Variants in NELFB observed in about 807,000 individuals in gnomAD.
NELFB encodes the protein negative elongation factor complex member B, also known as negative elongation factor B.
A neutral mutation model predicts 60.2 loss-of-function variants in NELFB; 34 were observed. The ratio of observed to expected loss-of-function variants is 0.56; its 90% CI spans 0.43 to 0.75. NELFB has a LOEUF of 0.75. Among genes scored for constraint, NELFB ranks in the 30% least tolerant of loss-of-function variants. The pLI, the probability that NELFB is intolerant of heterozygous loss-of-function variation, is 0.00. For missense variants in NELFB, 770 were observed against 831.6 expected (o/e 0.93, Z 0.91); for synonymous variants, 459 against 382.1 (o/e 1.20, Z -2.35).
Position 137,267,037 on chromosome 9 carries a change from G to C in NELFB, c.1333G>C (p.Glu445Gln). ...TGTGGATCAGAAACTTCCGGCTGAG[G>C]AGAAAGCCCCAGTCTCATATCCAAA... Residue 445 changes from glutamate to glutamine, a missense_variant, in exon 9 of 13, where the codon GAG becomes CAG. Glu to Gln is a conservative substitution (Grantham distance 29). Transcript: ENST00000343053. The C allele has an allele frequency of 1.2e-6, 2 of 1,614,126 alleles. No homozygotes were observed. The highest frequency in any genetic ancestry group is 1.7e-6 in the Non-Finnish European group (2 of 1,180,022).
chr9:137,255,629 GC>G lies in NELFB; in HGVS notation c.246+19del, dbSNP rs1818470880. The stretch of plus-strand genomic sequence containing the variant: ...AGTTCCAGGTGGGGCGGCCCCCGGG[GC>G]GGGGGGAGCCCAGTTGGAGGGCCGG... On this transcript the variant is annotated intron_variant, in intron 1 of 12. Transcript: ENST00000343053. 1 of 1,540,518 alleles carries G rather than the reference GC, an allele frequency of 6.5e-7. No homozygotes were observed. Among genetic ancestry groups the G allele is most frequent in the Non-Finnish European group, 8.7e-7 (1 of 1,143,218 alleles).
intron 10 of NELFB, among the ~76,000 whole-genome samples, chr9:137,271,426 C>T (rs1830582567): frequency 6.6e-6 from 1 of 152,272 alleles, no homozygotes; most frequent in Non-Finnish European, 1.5e-5. Context: ...CATCAGTCTG[C>T]AGGCGGCCGC....
At chr9:137,265,170 C>T (rs1396588541) in intron 6 of NELFB, among the ~76,000 whole-genome samples, 2 of 151,336 alleles carry the variant, frequency 1.3e-5, no homozygotes, top group Non-Finnish European at 2.9e-5. Flanking sequence ...CAGGCACACA[C>T]CAGTGCGCCT....
In NELFB at chr9:137,264,229, T is replaced by A; in HGVS notation, c.928-16T>A. 1 of 1,565,676 alleles carries A rather than the reference T, an allele frequency of 6.4e-7. No individual in the cohort carries two copies. Among genetic ancestry groups the A allele is most frequent in the South Asian group, 1.2e-5 (1 of 85,180 alleles). ...GGGAGGTTTGGGCTGGTCCCGACCG[T>A]GCTTCCTCCTTGCAGTTCACCTGGT... On this transcript the variant is annotated splice_polypyrimidine_tract_variant and intron_variant, in intron 5 of 12. Transcript: ENST00000343053.
At chr9:137,259,872 C>T (rs1830409149) in intron 4 of NELFB, among the ~76,000 whole-genome samples, 1 of 148,370 alleles carries the variant, frequency 6.7e-6, no homozygotes. Flanking sequence ...CTACAGGCGC[C>T]TGCCACCATG....
At chr9:137,263,859 T>G (rs1041129424) in intron 5 of NELFB, among the ~76,000 whole-genome samples, 7 of 152,148 alleles carry the variant, frequency 4.6e-5, no homozygotes, top group African/African-American at 1.7e-4. Context: ...TGCTGCTTGT[T>G]GGCCAGGTAC....
chr9:137,271,025 C>G (rs1830577856), intron 10 of NELFB, among the ~76,000 whole-genome samples: 3 of 152,408 alleles, frequency 2.0e-5, no homozygotes, highest in South Asian at 2.1e-4. Flanking sequence ...CTGCGCTTCT[C>G]CAGGTGTCTC....
intron 4 of NELFB, among the ~76,000 whole-genome samples, chr9:137,257,996 G>C (rs944598251): frequency 6.6e-6 from 1 of 151,710 alleles, no homozygotes. Context: ...GTAGAGGTGG[G>C]GTCTGGCTAT....
At chr9:137,271,966 T>C in intron 10 of NELFB, 115 bp from the exon 11 acceptor site, 1 of 1,320,014 alleles carries the variant, frequency 7.6e-7, no homozygotes, top group Non-Finnish European at 1.0e-6. Flanking sequence ...TCAGAACAAC[T>C]GAGAACTCTC....
Position 137,256,345 on chromosome 9 carries a change from G to T in NELFB, c.427G>T (p.Asp143Tyr), listed in dbSNP as rs1334549471. The T allele has an allele frequency of 1.2e-6, 2 of 1,613,930 alleles. No homozygotes were observed. Among genetic ancestry groups the T allele is most frequent in the Admixed American group, 1.7e-5 (1 of 60,008 alleles). Reference sequence around the variant, plus strand: ...TTGTTCCAGGTACAAGAAGCTGGAAGACCTTCTGGAGAAGAGCTTTTCTCT... The same window carrying T: ...TTGTTCCAGGTACAAGAAGCTGGAATACCTTCTGGAGAAGAGCTTTTCTCT... The change falls in exon 3 of 13, where the codon GAC (aspartate) becomes TAC (tyrosine). Residue 143 changes from aspartate (D) to tyrosine (Y), a missense_variant. Asp to Tyr is a radical substitution (Grantham distance 160). Transcript: ENST00000343053.
intron 6 of NELFB, 48 bp downstream of exon 6, chr9:137,264,405 A>G: frequency 7.2e-7 from 1 of 1,391,804 alleles, no homozygotes; most frequent in South Asian, 1.2e-5. Flanking sequence ...CCCTGCGTGC[A>G]TCCGGTCTGC....
Position 137,255,541 on chromosome 9 carries a change from C to A in NELFB, c.176C>A (p.Ala59Asp). Residue 59 changes from alanine (A) to aspartate (D), a missense_variant, in exon 1 of 13, where the codon GCC becomes GAC. Coordinates refer to ENST00000343053, the MANE Select transcript of NELFB (RefSeq NM_015456.5). ...GCGGGGCTGCAGGACCTGGGCGTGG[C>A]CAACGGCGAGGACCTGAAGGAGACC... 1 of 1,546,882 alleles carries A rather than the reference C, an allele frequency of 6.5e-7. No homozygotes were observed. The highest frequency in any genetic ancestry group is 8.7e-7 in the Non-Finnish European group (1 of 1,146,056).
At chr9:137,256,451 G>C in intron 3 of NELFB, 23 bp downstream of exon 3, 1 of 1,603,588 alleles carries the variant, frequency 6.2e-7, no homozygotes, top group Non-Finnish European at 8.5e-7. Flanking sequence ...CCCTAACCCT[G>C]ATGGCGTGGA....
chr9:137,263,164 T>A lies in NELFB; in HGVS notation c.869T>A (p.Leu290His). The change falls in exon 5 of 13, where the codon CTC (leucine) becomes CAC (histidine). Residue 290 changes from leucine to histidine, a missense_variant. Leu to His is a moderately conservative substitution (Grantham distance 99). Coordinates refer to ENST00000343053, the MANE Select transcript of NELFB (RefSeq NM_015456.5). ...TACTGCACGCTGCGGGCTGAGCTGC[T>A]CATGTCCCTGCACGACCTGGACGTG... The A allele has an allele frequency of 6.2e-7, 1 of 1,613,992 alleles. No individual in the cohort carries two copies. Among genetic ancestry groups the A allele is most frequent in the Non-Finnish European group, 8.5e-7 (1 of 1,179,976 alleles).
rs771718506 is a variant in NELFB at position 137,272,631 on chromosome 9, G to T, written c.1740+16G>T. On this transcript the variant is annotated intron_variant, in intron 12 of 12. Transcript: ENST00000343053. ...TACAGGCCAGGTGGGTGCCCGGGGG[G>T]GCTGCATCTGAAGGCACCTGGTCCC... 4.6e-5 allele frequency: 73 copies of T among 1,571,300 alleles called. No homozygotes were observed. Among genetic ancestry groups the T allele is most frequent in the Non-Finnish European group, 5.9e-5 (68 of 1,158,586 alleles).
Position 137,255,551 on chromosome 9 carries a change from G to A in NELFB, c.186G>A (p.Glu62=), listed in dbSNP as rs199681335. 1.3e-6 allele frequency: 2 copies of A among 1,548,132 alleles called. No individual in the cohort carries two copies. The highest frequency in any genetic ancestry group is 1.4e-5 in the African/African-American group (1 of 72,858). Residue 62 remains glutamate, a synonymous_variant, in exon 1 of 13, where the codon GAG becomes GAA. Transcript: ENST00000343053. ...AGGACCTGGGCGTGGCCAACGGCGA[G>A]GACCTGAAGGAGACCCTGACCAACT...
intron 10 of NELFB, among the ~76,000 whole-genome samples, chr9:137,268,558 C>T (rs569881279): frequency 1.6e-4 from 25 of 152,250 alleles, no homozygotes; most frequent in African/African-American, 5.8e-4. Context: ...TGCACTCCAG[C>T]CCAGGCGACA....
At chr9:137,271,379 C>T (rs571312174) in intron 10 of NELFB, among the ~76,000 whole-genome samples, 3 of 152,384 alleles carry the variant, frequency 2.0e-5, no homozygotes, top group South Asian at 4.1e-4. Context: ...TGTCCGCACA[C>T]GTCACCTCCA....
rs1049510570 is a variant in NELFB, at chr9:137,272,324, C to T, written c.1631+102C>T. On this transcript the variant is annotated intron_variant, in intron 11 of 12. Transcript: ENST00000343053. Reference sequence around the variant, plus strand: ...TCCCCAGCCTGGGGCGGAGGGTCCGCAGGTGGGTCTGTTGGGCACCAGGGC... The same window carrying T: ...TCCCCAGCCTGGGGCGGAGGGTCCGTAGGTGGGTCTGTTGGGCACCAGGGC... 7.1e-6 allele frequency: 11 copies of T among 1,549,782 alleles called. No individual in the cohort carries two copies. The African/African-American group carries it at 1.1e-4, about 15-fold the overall frequency.
Sources: allele counts gnomAD v4.1 joint callset (sites outside exome capture counted in the v4.1 genomes callset), GRCh38; gene constraint gnomAD v4.1.1; transcripts MANE v1.5; gene names NCBI Gene and HGNC (gene_info 2026-07-23, HGNC 2026-07-21).